The following SGCD variants were observed in gnomAD, a reference collection of about 807,000 sequenced individuals.
SGCD encodes sarcoglycan delta.
SGCD carries 18 observed loss-of-function variants against 36.6 expected under a neutral mutation model. The ratio of observed to expected loss-of-function variants is 0.49; its 90% CI spans 0.34 to 0.73. The LOEUF (loss-of-function observed/expected upper bound fraction) is 0.73, where lower values mean the gene tolerates loss of function less well. Ranked by LOEUF, SGCD falls within the 30% of genes least tolerant of loss-of-function variation. The pLI is 0.01. For synonymous variants in SGCD, 133 were observed against 130.6 expected (o/e 1.02, Z -0.12); for missense variants, 387 against 346.7 (o/e 1.12, Z -0.92).
At chr5:156,026,812 A>G (rs1160957787) in intron 1 of SGCD, among the ~76,000 whole-genome samples, 1 of 152,176 alleles carries the variant, frequency 6.6e-6, no homozygotes, top group East Asian at 1.9e-4. Context: ...GATGGCTTAC[A>G]CCAGGAGTTG....
At chr5:156,412,445 T>C (rs1772811995) in intron 3 of SGCD, among the ~76,000 whole-genome samples, 1 of 152,228 alleles carries the variant, frequency 6.6e-6, no homozygotes, top group Admixed American at 6.5e-5. Context: ...TAGCTATTTT[T>C]TGAGAATATT....
chr5:156,023,790 C>G (rs1581047542), intron 1 of SGCD, among the ~76,000 whole-genome samples: 1 of 152,196 alleles, frequency 6.6e-6, no homozygotes, highest in Admixed American at 6.5e-5. Context: ...CTTCGGCTGT[C>G]TAACAAGCTA....
intron 1 of SGCD, among the ~76,000 whole-genome samples, chr5:155,901,565 A>G (rs952709379): frequency 2.0e-5 from 3 of 152,106 alleles, no homozygotes. Flanking sequence ...TGAAACAAGA[A>G]CACACCACTT....
chr5:156,215,199 C>T (rs1433824833), intron 3 of SGCD, among the ~76,000 whole-genome samples: 3 of 152,012 alleles, frequency 2.0e-5, no homozygotes, highest in African/African-American at 7.2e-5. Context: ...TACTTCTTGT[C>T]TCAAGCATTT....
At chr5:155,735,288 T>C in the SGCD span, among the ~76,000 whole-genome samples, 1 of 152,252 alleles carries the variant, frequency 6.6e-6, no homozygotes, top group Non-Finnish European at 1.5e-5. Flanking sequence ...TTCTTTGTGA[T>C]GTTGCTTAAG....
Position 156,353,347 on chromosome 5 carries a change from A to G in SGCD, c.192+8670A>G, listed in dbSNP as rs192405103. Reference sequence around the variant, plus strand: ...AGTATTAGTTGATTTATTAAGGTAGATCATAAATGAGATGAGTGCTTGAAT... The same window carrying G: ...AGTATTAGTTGATTTATTAAGGTAGGTCATAAATGAGATGAGTGCTTGAAT... On this transcript the variant is annotated intron_variant, in intron 3 of 8. Coordinates refer to ENST00000337851, the MANE Select transcript of SGCD (RefSeq NM_000337.6). Among the ~76,000 whole-genome samples the G allele has an allele frequency of 7.9e-4, 120 of 152,344 alleles. No individual in the cohort carries two copies. The Middle Eastern group carries it at 0.024, about 30-fold the overall frequency.
At chr5:156,721,772 CA>C (rs1466593708) in intron 7 of SGCD, among the ~76,000 whole-genome samples, 2 of 152,140 alleles carry the variant, frequency 1.3e-5, no homozygotes, top group East Asian at 3.9e-4. Flanking sequence ...CCATGTAGAG[CA>C]ACAGGGTGGG....
chr5:156,409,858 A>G (rs1772647431), intron 3 of SGCD, among the ~76,000 whole-genome samples: 1 of 152,180 alleles, frequency 6.6e-6, no homozygotes, highest in Admixed American at 6.5e-5. Flanking sequence ...AACAAGGACC[A>G]GCAGTCATCT....
At chr5:156,176,586 T>C (rs1763479842) in intron 3 of SGCD, among the ~76,000 whole-genome samples, 1 of 152,190 alleles carries the variant, frequency 6.6e-6, no homozygotes, top group African/African-American at 2.4e-5. Flanking sequence ...TTGTTTACTT[T>C]CAGAAGGTGG....
intron 1 of SGCD, among the ~76,000 whole-genome samples, chr5:155,878,680 A>T (rs1755815486): frequency 6.6e-6 from 1 of 152,106 alleles, no homozygotes. Context: ...GAAGAAAGGG[A>T]GAAATGACTG....
rs998546701 is a variant in SGCD at position 156,458,317 on chromosome 5, A to G, written c.193-50284A>G. ...GGGTTTTGGAAATTCACTTTGTAAC[A>G]TGTTTATTCTTTTGCGTGACTGTAG... On this transcript the variant is annotated intron_variant, in intron 3 of 8. Transcript: ENST00000337851. The G allele has an allele frequency of 4.5e-6, 4 of 897,536 alleles. No homozygotes were observed. The African/African-American group carries it at 5.0e-5, about 11-fold the overall frequency. The allele number at this position is 897,536 out of a possible 1,614,324, so 55.6% of individuals were successfully genotyped here.
At chr5:156,736,099 C>T (rs867619147) in intron 7 of SGCD, among the ~76,000 whole-genome samples, 21 of 152,298 alleles carry the variant, frequency 1.4e-4, no homozygotes, top group South Asian at 6.2e-4. Context: ...CCTTGCTCTT[C>T]TCCATTCTCT....
chr5:156,625,704 TAGTG>T (rs1762414872), intron 6 of SGCD, among the ~76,000 whole-genome samples: 2 of 152,200 alleles, frequency 1.3e-5, no homozygotes, highest in South Asian at 4.1e-4. Context: ...AGTGCTTACT[TAGTG>T]AGCACCTATT....
chr5:156,145,454 T>C (rs1561538446), intron 3 of SGCD, among the ~76,000 whole-genome samples: 1 of 152,280 alleles, frequency 6.6e-6, no homozygotes, highest in East Asian at 1.9e-4. Flanking sequence ...CAAACTAAGA[T>C]AAAACCAAAC....
chr5:156,419,858 G>A (rs1038085113), intron 3 of SGCD, among the ~76,000 whole-genome samples: 1 of 152,116 alleles, frequency 6.6e-6, no homozygotes, highest in African/African-American at 2.4e-5. Flanking sequence ...GCCAAGGTGA[G>A]TGTGTGTCTG....
intron 7 of SGCD, among the ~76,000 whole-genome samples, chr5:156,709,234 G>A (rs1754878214): frequency 6.6e-6 from 1 of 152,186 alleles, no homozygotes; most frequent in Non-Finnish European, 1.5e-5. Context: ...AAGACCATCT[G>A]GTGCCAAAAA....
chr5:155,786,225 G>T, the SGCD span, among the ~76,000 whole-genome samples: 2 of 152,280 alleles, frequency 1.3e-5, no homozygotes, highest in South Asian at 2.1e-4. Flanking sequence ...ACAAAATAAG[G>T]ATTTATTGGC....
chr5:155,820,653 T>C, the SGCD span, among the ~76,000 whole-genome samples: 2 of 152,122 alleles, frequency 1.3e-5, no homozygotes, highest in Admixed American at 1.3e-4. Context: ...GCTGTGATTG[T>C]GGCTCTGCAC....
intron 3 of SGCD, among the ~76,000 whole-genome samples, chr5:156,197,053 A>T (rs1399954240): frequency 6.6e-6 from 1 of 152,198 alleles, no homozygotes; most frequent in African/African-American, 2.4e-5. Context: ...TGCTTATTTA[A>T]ACAATCTCCT....
Sources: allele counts gnomAD v4.1 joint callset (sites outside exome capture counted in the v4.1 genomes callset), GRCh38; gene constraint gnomAD v4.1.1; transcripts MANE v1.5; gene names NCBI Gene and HGNC (gene_info 2026-07-23, HGNC 2026-07-21).